Variants in KLF9 observed in about 807,000 individuals in gnomAD.
The protein encoded by KLF9 is Krueppel-like factor 9.
KLF9 carries 2 observed loss-of-function variants against 17.3 expected under a neutral mutation model. The observed-to-expected ratio is 0.12, with a 90% CI of 0.05 to 0.36. The LOEUF is 0.36. Among genes scored for constraint, KLF9 ranks in the 10% least tolerant of loss-of-function variants. KLF9 has a pLI of 1.00. For missense variants in KLF9, 226 were observed against 333.2 expected, an observed-to-expected ratio of 0.68 and a Z score of 2.51; for synonymous variants, 138 against 139.2, an observed-to-expected ratio of 0.99 and a Z score of 0.06.
rs7390020 is a variant in KLF9 at position 70,409,013 on chromosome 9, C to T, written c.505+3846G>A. On this transcript the variant is annotated intron_variant, in intron 1 of 1. Coordinates refer to ENST00000377126, the MANE Select transcript of KLF9 (RefSeq NM_001206.4). ...ATATATATATGTGTATATATATATACACATATATGTATATATATATATGTG... is the reference window on the plus strand; with the variant it reads ...ATATATATATGTGTATATATATATATACATATATGTATATATATATATGTG... 1.3e-3 allele frequency among the ~76,000 whole-genome samples: 45 copies of T among 35,864 alleles called. 3 individuals carry two copies. Among genetic ancestry groups the T allele is most frequent in the Middle Eastern group, 0.017 (1 of 58 alleles). The allele number at this position is 35,864 out of a possible 152,430, so 23.5% of individuals were successfully genotyped here.
At chr9:70,411,453 T>C (rs1031384971) in intron 1 of KLF9, among the ~76,000 whole-genome samples, 3 of 152,112 alleles carry the variant, frequency 2.0e-5, no homozygotes, top group African/African-American at 7.2e-5. Flanking sequence ...ACCTTACAGA[T>C]ACAAGCCTTA....
rs778977537 is a variant in KLF9 at position 70,412,906 on chromosome 9, A to C, written c.458T>G (p.Val153Gly). ...TTTGAGATGGGAGGATTTTCCATAG[A>C]CTTTCCCACAGCCACTGTAGGGGCA... Reference protein sequence around the residue: ...HKCPYSGCGKVYGKSSHLKAH... With the variant: ...HKCPYSGCGKGYGKSSHLKAH... The change falls in exon 1 of 2, where the codon GTC (valine) becomes GGC (glycine). Residue 153 changes from valine (V) to glycine (G), a missense_variant. By Grantham distance (109) the Val-to-Gly change is moderately radical. Transcript: ENST00000377126. 1 of 1,612,000 alleles carries C rather than the reference A, an allele frequency of 6.2e-7. No individual in the cohort carries two copies. The highest frequency in any genetic ancestry group is 1.1e-5 in the South Asian group (1 of 90,724).
intron 1 of KLF9, among the ~76,000 whole-genome samples, chr9:70,407,398 C>T (rs750270322): frequency 2.2e-4 from 33 of 152,196 alleles, no homozygotes; most frequent in Non-Finnish European, 3.5e-4. Context: ...TCTGGTACCT[C>T]CCTCTCTCAC....
chr9:70,388,380 C>T (rs765526962), intron 1 of KLF9, among the ~76,000 whole-genome samples: 2 of 152,084 alleles, frequency 1.3e-5, no homozygotes, highest in Admixed American at 6.5e-5. Flanking sequence ...GAAACGAACC[C>T]GTCCCCTGCC....
chr9:70,412,609 G>C (rs1023748319), intron 1 of KLF9, among the ~76,000 whole-genome samples: 3 of 152,206 alleles, frequency 2.0e-5, no homozygotes, highest in Non-Finnish European at 4.4e-5. Context: ...CACTCCCCGC[G>C]AAGCCACGCA....
chr9:70,408,881 G>A (rs2037275231), intron 1 of KLF9, among the ~76,000 whole-genome samples: 1 of 150,422 alleles, frequency 6.6e-6, no homozygotes. Context: ...AGTATGCCAA[G>A]GATCCCAAGA....
In KLF9 at chr9:70,413,457, G is replaced by A; in HGVS notation, c.-94C>T. Reference sequence around the variant, plus strand: ...TGCCCTGGCCTCGGACGACGAGCGCGGCGCGGCGCGGCACGGCGCGGCGGC... The same window carrying A: ...TGCCCTGGCCTCGGACGACGAGCGCAGCGCGGCGCGGCACGGCGCGGCGGC... On this transcript the variant is annotated 5_prime_UTR_variant, in exon 1 of 2. Coordinates refer to ENST00000377126, the MANE Select transcript of KLF9 (RefSeq NM_001206.4). The surrounding 1 kb of genome is among the most constrained non-coding windows in gnomAD (Gnocchi z 5.6). 8.1e-7 allele frequency: 1 copy of A among 1,230,092 alleles called. No homozygotes were observed. The allele number at this position is 1,230,092 out of a possible 1,614,324, so 76.2% of individuals were successfully genotyped here. A position where few individuals can be genotyped will look rare whatever the true frequency, so the allele number is the denominator to read the frequency against.
At chr9:70,397,344 A>ACC (rs2118913770) in intron 1 of KLF9, among the ~76,000 whole-genome samples, 1 of 151,966 alleles carries the variant, frequency 6.6e-6, no homozygotes, top group African/African-American at 2.4e-5. Flanking sequence ...GCATGGTGGC[A>ACC]CATGCCTGTA....
chr9:70,410,907 A>T (rs1322269407), intron 1 of KLF9, among the ~76,000 whole-genome samples: 1 of 152,156 alleles, frequency 6.6e-6, no homozygotes, highest in African/African-American at 2.4e-5. Context: ...ATGCACTAAG[A>T]TTAGAGATCC....
intron 1 of KLF9, among the ~76,000 whole-genome samples, chr9:70,409,168 A>ATG (rs1292083861): frequency 2.5e-5 from 1 of 39,770 alleles, no homozygotes; most frequent in Non-Finnish European, 8.3e-5. Context: ...ATACACATAT[A>ATG]TGTATATATA....
In KLF9 at chr9:70,406,746, T is replaced by C. The variant is rs117686221; in HGVS notation, c.505+6113A>G. On this transcript the variant is annotated intron_variant, in intron 1 of 1. Coordinates refer to ENST00000377126, the MANE Select transcript of KLF9 (RefSeq NM_001206.4). ...CCAATTACTAGGCACTAATTTACGC[T>C]CTTCAGTGGGCGCTGGGCTTGCTGG... 9.2e-5 allele frequency among the ~76,000 whole-genome samples: 14 copies of C among 152,240 alleles called. No homozygotes were observed. In the East Asian group the frequency reaches 2.5e-3, roughly 27 times the overall value.
chr9:70,413,383 C>G lies in KLF9; in HGVS notation c.-20G>C. The G allele has an allele frequency of 6.8e-7, 1 of 1,476,152 alleles. No homozygotes were observed. Among genetic ancestry groups the G allele is most frequent in the African/African-American group, 1.4e-5 (1 of 71,614 alleles). 91.4% of individuals were successfully genotyped at this position (1,476,152 alleles called of 1,614,324 possible). A position where few individuals can be genotyped will look rare whatever the true frequency, so the allele number is the denominator to read the frequency against. On this transcript the variant is annotated 5_prime_UTR_variant, in exon 1 of 2. Transcript: ENST00000377126. The surrounding 1 kb of genome is among the most constrained non-coding windows in gnomAD (Gnocchi z 5.6). ...GGACATGGTGCGGGCGACGGCAGCCCAGGCGGCGCGGACAAACTTGGCGGT... is the reference window on the plus strand; with the variant it reads ...GGACATGGTGCGGGCGACGGCAGCCGAGGCGGCGCGGACAAACTTGGCGGT...
chr9:70,396,845 T>C (rs2037184758), intron 1 of KLF9, among the ~76,000 whole-genome samples: 1 of 152,142 alleles, frequency 6.6e-6, no homozygotes, highest in South Asian at 2.1e-4. Flanking sequence ...AAAACAGCGA[T>C]ACATCTGAGT....
Position 70,387,693 on chromosome 9 carries a change from G to T in KLF9, c.*83C>A. On this transcript the variant is annotated 3_prime_UTR_variant, in exon 2 of 2. Coordinates refer to ENST00000377126, the MANE Select transcript of KLF9 (RefSeq NM_001206.4). The stretch of plus-strand genomic sequence containing the variant: ...GTGCCGTCAAGTGTGCCTCTTCTGG[G>T]GCTCAGTTTTCACGCGTCTGTTTCC... The T allele has an allele frequency of 2.5e-6, 3 of 1,190,272 alleles. No individual in the cohort carries two copies. In the South Asian group the frequency reaches 3.8e-5, roughly 15 times the overall value. The allele number at this position is 1,190,272 out of a possible 1,614,324, so 73.7% of individuals were successfully genotyped here. A position where few individuals can be genotyped will look rare whatever the true frequency, so the allele number is the denominator to read the frequency against.
intron 1 of KLF9, among the ~76,000 whole-genome samples, chr9:70,403,111 C>T (rs2037234903): frequency 6.6e-6 from 1 of 152,146 alleles, no homozygotes; most frequent in Non-Finnish European, 1.5e-5. Context: ...GATTGTGCTG[C>T]TGCACTCCAG....
rs2037106630 is a variant in KLF9 at position 70,385,858 on chromosome 9, C to T, written c.*1918G>A. 3 of 152,228 alleles carry T rather than the reference C, an allele frequency of 2.0e-5. No homozygotes were observed. The highest frequency in any genetic ancestry group is 4.8e-5 in the African/African-American group (2 of 41,434). 9.4% of individuals were successfully genotyped at this position (152,228 alleles called of 1,614,324 possible). On this transcript the variant is annotated 3_prime_UTR_variant, in exon 2 of 2. Coordinates refer to ENST00000377126, the MANE Select transcript of KLF9 (RefSeq NM_001206.4). Reference sequence around the variant, plus strand: ...TGTTTTCTCGTGAGAAAACACTTTCCTTTTTATCCCATGGACTGCTCCCAG... The same window carrying T: ...TGTTTTCTCGTGAGAAAACACTTTCTTTTTTATCCCATGGACTGCTCCCAG...
Position 70,387,786 on chromosome 9 carries a change from T to C in KLF9, c.725A>G (p.Asn242Ser). The change falls in exon 2 of 2, where the codon AAC becomes AGC. Residue 242 changes from asparagine to serine, a missense_variant. Coordinates refer to ENST00000377126, the MANE Select transcript of KLF9 (RefSeq NM_001206.4). ...TCCACGGGCAGCACCTCACAAAGCG[T>C]TGGCCAGCGCCTTTTTCGATCGCTT... ...MIKRSKKALANAL is the reference protein window; with the variant it reads ...MIKRSKKALASAL The C allele has an allele frequency of 4.3e-6, 7 of 1,614,006 alleles. No homozygotes were observed. Among genetic ancestry groups the C allele is most frequent in the Non-Finnish European group, 5.9e-6 (7 of 1,179,990 alleles).
intron 1 of KLF9, among the ~76,000 whole-genome samples, chr9:70,392,384 T>C (rs1390311398): frequency 6.6e-6 from 1 of 152,110 alleles, no homozygotes; most frequent in Non-Finnish European, 1.5e-5. Flanking sequence ...ACATTATAAA[T>C]TATGGTGCCA....
In KLF9 at chr9:70,384,762, T is replaced by C. The variant is rs2118902039; in HGVS notation, c.*3014A>G. 6.5e-6 allele frequency: 1 copy of C among 152,794 alleles called. No homozygotes were observed. The highest frequency in any genetic ancestry group is 1.5e-5 in the Non-Finnish European group (1 of 68,034). 9.5% of individuals were successfully genotyped at this position (152,794 alleles called of 1,614,324 possible). ...ACAAAAATAAAACTGATTAAACAGTTGTAAAGATCAGTATCTTACAGTGTT... is the reference window on the plus strand; with the variant it reads ...ACAAAAATAAAACTGATTAAACAGTCGTAAAGATCAGTATCTTACAGTGTT... On this transcript the variant is annotated 3_prime_UTR_variant, in exon 2 of 2. Coordinates refer to ENST00000377126, the MANE Select transcript of KLF9 (RefSeq NM_001206.4).
Sources: gnomAD v4.1 joint callset for allele counts (sites outside exome capture counted in the v4.1 genomes callset) on GRCh38, gnomAD v4.1.1 for gene constraint, Gnocchi (gnomAD v3.1) non-coding constraint, MANE v1.5 for transcripts, NCBI Gene and HGNC (gene_info 2026-07-23, HGNC 2026-07-21) for gene names.